SLC30A7: variants seen among roughly 807,000 people sequenced by gnomAD.
SLC30A7 encodes the protein solute carrier family 30 member 7, also known as zinc transporter 7.
A neutral mutation model predicts 46.0 loss-of-function variants in SLC30A7; 35 were observed. That is an observed-to-expected ratio of 0.76 (90% CI 0.58 to 1.01). SLC30A7 has a LOEUF of 1.01. Ranked by LOEUF, SLC30A7 falls within the 50% of genes least tolerant of loss-of-function variation. The pLI is 0.00. For synonymous variants in SLC30A7, 147 were observed against 157.8 expected, an observed-to-expected ratio of 0.93 and a Z score of 0.51; for missense variants, 464 against 451.1, an observed-to-expected ratio of 1.03 and a Z score of -0.26.
intron 2 of SLC30A7, among the ~76,000 whole-genome samples, chr1:100,905,368 T>G (rs1570504681): frequency 6.6e-6 from 1 of 152,110 alleles, no homozygotes; most frequent in South Asian, 2.1e-4. Context: ...GTTTAGTGGT[T>G]TGTGACGTGT....
At chr1:100,990,245 A>G in the SLC30A7 span, 4 of 640,404 alleles carry the variant, frequency 6.2e-6, no homozygotes, top group South Asian at 7.6e-5. Context: ...CACTATCATG[A>G]GAATAGCATG....
intron 6 of SLC30A7, among the ~76,000 whole-genome samples, chr1:100,914,306 AT>A (rs1210354475): frequency 6.6e-6 from 1 of 152,124 alleles, no homozygotes; most frequent in African/African-American, 2.4e-5. Context: ...TCATTCAACT[AT>A]TTTTTTGTAC....
rs1655536633 is a variant in SLC30A7 at position 100,961,272 on chromosome 1, C to T, written c.843-556C>T. ...CACCGCGCCCGGCCTGTTTTGTGTA[C>T]ATTTAATCATCCAAATAGCCTAAAG... is the stretch of plus-strand genomic sequence containing the variant. On this transcript the variant is annotated intron_variant, in intron 8 of 10. Transcript: ENST00000357650. Among the ~76,000 whole-genome samples, 3 of 152,034 alleles carry T rather than the reference C, an allele frequency of 2.0e-5. No individual in the cohort carries two copies. In the South Asian group the frequency reaches 6.2e-4, roughly 32 times the overall value.
chr1:100,924,667 CAAAAAAAAAAAAG>C (rs1370434292), intron 8 of SLC30A7, among the ~76,000 whole-genome samples: 1 of 79,392 alleles, frequency 1.3e-5, no homozygotes, highest in Non-Finnish European at 2.6e-5. Flanking sequence ...TCTCCCTGGC[CAAAAAAAAAAAAG>C]AAAAAAAAAA....
Position 100,975,812 on chromosome 1 carries a change from C to T in SLC30A7, c.*955C>T, listed in dbSNP as rs1287751552. ...AAGTGCTGGGATTACAGGTGTGAGC[C>T]ACCACGCCCGGCTATGTTTTTTTTT... On this transcript the variant is annotated 3_prime_UTR_variant, in exon 11 of 11. Coordinates refer to ENST00000357650, the MANE Select transcript of SLC30A7 (RefSeq NM_133496.5). 1 of 147,120 alleles carries T rather than the reference C, an allele frequency of 6.8e-6. No homozygotes were observed. Among genetic ancestry groups the T allele is most frequent in the African/African-American group, 2.5e-5 (1 of 39,778 alleles). The allele number at this position is 147,120 out of a possible 1,614,324, so 9.1% of individuals were successfully genotyped here.
intron 8 of SLC30A7, among the ~76,000 whole-genome samples, chr1:100,944,187 T>G (rs1342047415): frequency 6.6e-6 from 1 of 152,192 alleles, no homozygotes; most frequent in Admixed American, 6.5e-5. Context: ...TAGCTAGGAC[T>G]ACAGGTGCAC....
At chr1:100,969,072 A>G (rs1656013252) in intron 10 of SLC30A7, among the ~76,000 whole-genome samples, 1 of 152,234 alleles carries the variant, frequency 6.6e-6, no homozygotes, top group South Asian at 2.1e-4. Flanking sequence ...GATTTACTCC[A>G]GTGCTAATCT....
intron 10 of SLC30A7, among the ~76,000 whole-genome samples, chr1:100,966,705 T>C (rs893361356): frequency 2.6e-5 from 4 of 152,242 alleles, no homozygotes; most frequent in African/African-American, 9.6e-5. Context: ...TGCTCATCAT[T>C]GTACTTATTT....
chr1:100,993,598 A>ATATATG, the SLC30A7 span, among the ~76,000 whole-genome samples: 5 of 128,258 alleles, frequency 3.9e-5, no homozygotes, highest in African/African-American at 1.5e-4. Flanking sequence ...ATATATATAT[A>ATATATG]GCTATTGTGG....
At position 100,913,011 on chromosome 1, in the gene SLC30A7, A is replaced by G. The variant is rs894281617; in HGVS notation, c.512-652A>G. ...GGTATTTAGAATTTTTGTAAAAGTG[A>G]TATTTTTGACTTGGATAGCATCCAC... On this transcript the variant is annotated intron_variant, in intron 5 of 10. Coordinates refer to ENST00000357650, the MANE Select transcript of SLC30A7 (RefSeq NM_133496.5). 7.2e-5 allele frequency among the ~76,000 whole-genome samples: 11 copies of G among 152,088 alleles called. No homozygotes were observed. The East Asian group carries it at 1.7e-3, about 24-fold the overall frequency.
chr1:100,971,291 A>G lies in SLC30A7; in HGVS notation c.1084-3519A>G, dbSNP rs528884920. 3.6e-4 allele frequency among the ~76,000 whole-genome samples: 54 copies of G among 151,946 alleles called. 2 individuals are homozygous for G. In the South Asian group the frequency reaches 0.011, roughly 30 times the overall value. On this transcript the variant is annotated intron_variant, in intron 10 of 10. Transcript: ENST00000357650. ...ACAGAGTAGGAGAAAGTGGATTACT[A>G]TTTTTCCACCTTTCCTTTTTTTTTC...
intron 8 of SLC30A7, among the ~76,000 whole-genome samples, chr1:100,960,476 A>G (rs1332535235): frequency 1.3e-5 from 2 of 152,190 alleles, no homozygotes; most frequent in Non-Finnish European, 2.9e-5. Context: ...AGTGAGCCAG[A>G]TAAGCATTGT....
At chr1:100,935,800 G>T (rs996689030) in intron 8 of SLC30A7, among the ~76,000 whole-genome samples, 13 of 152,140 alleles carry the variant, frequency 8.5e-5, no homozygotes, top group African/African-American at 2.9e-4. Flanking sequence ...CTTCTCTCAG[G>T]AGTGACATAT....
Position 100,921,873 on chromosome 1 carries a change from G to T in SLC30A7, c.842+32G>T, listed in dbSNP as rs764257696. On this transcript the variant is annotated intron_variant, in intron 8 of 10. Transcript: ENST00000357650. ...GTTATTGTTACTTTCAAGTATTAAA[G>T]TGAGACTGAGAGAGAAATATGTTAC... The T allele has an allele frequency of 1.4e-5, 22 of 1,527,258 alleles. No homozygotes were observed. In the South Asian group the frequency reaches 2.5e-4, roughly 17 times the overall value. The allele number at this position is 1,527,258 out of a possible 1,614,324, so 94.6% of individuals were successfully genotyped here.
chr1:100,896,280 C>CA lies in SLC30A7; in HGVS notation c.21dup (p.Asp8ArgfsTer3), dbSNP rs1413055215. ...CAGAGAAGATGTTGCCCCTGTCCAT[C>CA]AAAGACGATGAATACAAACCACCCA... On this transcript the variant is annotated frameshift_variant, in exon 1 of 11. Coordinates refer to ENST00000357650, the MANE Select transcript of SLC30A7 (RefSeq NM_133496.5). LOFTEE classifies it high-confidence loss of function. 1.1e-5 allele frequency: 17 copies of CA among 1,614,228 alleles called. No homozygotes were observed. The highest frequency in any genetic ancestry group is 1.4e-5 in the Non-Finnish European group (16 of 1,180,046).
At chr1:100,928,544 A>G (rs1366039357) in intron 8 of SLC30A7, among the ~76,000 whole-genome samples, 1 of 152,032 alleles carries the variant, frequency 6.6e-6, no homozygotes, top group Non-Finnish European at 1.5e-5. Flanking sequence ...TAAGAGACCC[A>G]TGTTAATATT....
chr1:100,964,256 C>G (rs1006174748), intron 9 of SLC30A7, among the ~76,000 whole-genome samples: 1 of 84,230 alleles, frequency 1.2e-5, no homozygotes, highest in Non-Finnish European at 2.6e-5. Context: ...TGTATATATA[C>G]ACAATATATG....
chr1:100,959,335 A>C (rs1258492730), intron 8 of SLC30A7, among the ~76,000 whole-genome samples: 1 of 152,236 alleles, frequency 6.6e-6, no homozygotes, highest in Non-Finnish European at 1.5e-5. Context: ...TGAAGTACCC[A>C]AAAACCTAGT....
At chr1:100,940,026 G>T (rs1410754001) in intron 8 of SLC30A7, among the ~76,000 whole-genome samples, 1 of 152,102 alleles carries the variant, frequency 6.6e-6, no homozygotes, top group Non-Finnish European at 1.5e-5. Flanking sequence ...TCCTGGAAAA[G>T]AAGATGTAAA....
Sources: allele counts gnomAD v4.1 joint callset (sites outside exome capture counted in the v4.1 genomes callset), GRCh38; gene constraint gnomAD v4.1.1; transcripts MANE v1.5; gene names NCBI Gene and HGNC (gene_info 2026-07-23, HGNC 2026-07-21).